Variants in ANKRD13C observed in about 807,000 individuals in gnomAD.
ANKRD13C encodes ankyrin repeat domain-containing protein 13C.
In ANKRD13C, 16 loss-of-function variants were observed where a neutral mutation model predicts 65.5. The ratio of observed to expected loss-of-function variants is 0.24; its 90% CI spans 0.17 to 0.37. The LOEUF (loss-of-function observed/expected upper bound fraction) is 0.37. Ranked by LOEUF, ANKRD13C falls within the 10% of genes least tolerant of loss-of-function variation. The pLI is 1.00. For missense variants in ANKRD13C, 503 were observed against 655.9 expected (o/e 0.77, Z 2.55); for synonymous variants, 235 against 238.7 (o/e 0.98, Z 0.14).
intron 3 of ANKRD13C, among the ~76,000 whole-genome samples, chr1:70,318,475 C>T (rs1266768671): frequency 6.6e-6 from 1 of 152,108 alleles, no homozygotes; most frequent in Non-Finnish European, 1.5e-5. Context: ...CCCACCTGGA[C>T]AATTCTACCT....
chr1:70,319,657 T>G (rs1358296659), intron 3 of ANKRD13C, among the ~76,000 whole-genome samples: 2 of 150,948 alleles, frequency 1.3e-5, no homozygotes, highest in Admixed American at 1.3e-4. Context: ...TATGCCTTTT[T>G]TTTTTTTTAA....
chr1:70,324,587 GGATGAATAAAAAAA>G (rs1049125495), intron 3 of ANKRD13C, among the ~76,000 whole-genome samples: 1 of 151,672 alleles, frequency 6.6e-6, no homozygotes, highest in African/African-American at 2.4e-5. Flanking sequence ...CCTGTATTAT[GGATGAATAAAAAAA>G]GAATCAGAGA....
At chr1:70,277,384 G>A (rs1452770061) in intron 9 of ANKRD13C, among the ~76,000 whole-genome samples, 1 of 151,644 alleles carries the variant, frequency 6.6e-6, no homozygotes, top group East Asian at 1.9e-4. Context: ...TTGAATCTAG[G>A]AGGTGGAGGT....
chr1:70,272,196 A>T (rs1572025167), intron 11 of ANKRD13C, among the ~76,000 whole-genome samples: 2 of 141,926 alleles, frequency 1.4e-5, no homozygotes, highest in South Asian at 2.2e-4. Context: ...AGAACAAATT[A>T]TTTGTCTGGC....
At chr1:70,338,246 T>C (rs915136748) in intron 1 of ANKRD13C, among the ~76,000 whole-genome samples, 1 of 152,188 alleles carries the variant, frequency 6.6e-6, no homozygotes, top group African/African-American at 2.4e-5. Context: ...CAAACAACTG[T>C]ATGTCGGCAA....
chr1:70,321,717 G>C (rs1681317072), intron 3 of ANKRD13C, among the ~76,000 whole-genome samples: 1 of 152,176 alleles, frequency 6.6e-6, no homozygotes, highest in African/African-American at 2.4e-5. Flanking sequence ...GGTCTGGGCT[G>C]ATCACTGTTT....
At chr1:70,278,192 GAA>G (rs894792281) in intron 9 of ANKRD13C, among the ~76,000 whole-genome samples, 2 of 116,130 alleles carry the variant, frequency 1.7e-5, no homozygotes, top group Non-Finnish European at 1.8e-5. Context: ...CTGCCTCACA[GAA>G]AAAAAAAAAA....
At chr1:70,304,243 A>C (rs1290082588) in intron 6 of ANKRD13C, among the ~76,000 whole-genome samples, 1 of 150,818 alleles carries the variant, frequency 6.6e-6, no homozygotes, top group Non-Finnish European at 1.5e-5. Flanking sequence ...AGATTTCATT[A>C]TATTGCCTAG....
chr1:70,297,286 G>GGTTTTTTTTTTTTTTTTTTTTTTTTTTTT (rs1558281019), intron 7 of ANKRD13C, among the ~76,000 whole-genome samples: 4 of 125,098 alleles, frequency 3.2e-5, no homozygotes, highest in Non-Finnish European at 5.0e-5. Context: ...GTCCCTTTCT[G>GGTTTTTTTTTTTTTTTTTTTTTTTTTTTT]ATTTTTTTTT....
In ANKRD13C at chr1:70,325,072, T is replaced by C. The variant is rs866428797; in HGVS notation, c.473-115A>G. 4.4e-5 allele frequency: 30 copies of C among 679,224 alleles called. No individual in the cohort carries two copies. The South Asian group carries it at 8.2e-4, about 19-fold the overall frequency. The allele number at this position is 679,224 out of a possible 1,614,324, so 42.1% of individuals were successfully genotyped here. ...ACATAAATAGATGAAATAAACATTG[T>C]ACCATGTAGAATTATGTAATTTGAA... On this transcript the variant is annotated intron_variant, in intron 2 of 12. Transcript: ENST00000370944.
intron 3 of ANKRD13C, among the ~76,000 whole-genome samples, chr1:70,323,624 G>T (rs1267418685): frequency 1.3e-5 from 2 of 151,522 alleles, no homozygotes; most frequent in Non-Finnish European, 2.9e-5. Context: ...TCCAGCCTGG[G>T]TGACAGGGCG....
chr1:70,281,018 C>T (rs891679036), intron 9 of ANKRD13C, among the ~76,000 whole-genome samples: 1 of 151,936 alleles, frequency 6.6e-6, no homozygotes, highest in Non-Finnish European at 1.5e-5. Context: ...AGGTTGCCAG[C>T]TGGGGTAAAT....
chr1:70,285,187 CTTT>C lies in ANKRD13C; in HGVS notation c.1215+7198_1215+7200del, dbSNP rs60703728. On this transcript the variant is annotated intron_variant, in intron 9 of 12. Transcript: ENST00000370944. ...AATTTTCAATACTGATTTATAATGT[CTTT>C]TTTTTTTTTTTTTTTTTTTTGAGAT... Among the ~76,000 whole-genome samples the C allele has an allele frequency of 5.9e-3, 618 of 105,130 alleles. 4 individuals are homozygous for C. The highest frequency in any genetic ancestry group is 0.024 in the African/African-American group (581 of 23,764). The allele number at this position is 105,130 out of a possible 152,430, so 69.0% of individuals were successfully genotyped here. A position where few individuals can be genotyped will look rare whatever the true frequency, so the allele number is the denominator to read the frequency against.
chr1:70,325,030 T>C (rs1681470406), intron 2 of ANKRD13C, 73 bp from the exon 3 acceptor site: 1 of 1,004,044 alleles, frequency 1.0e-6, no homozygotes, highest in Non-Finnish European at 1.4e-6. Context: ...TATATAAAAG[T>C]TTAATAAACC....
At chr1:70,302,813 A>G (rs1019844781) in intron 6 of ANKRD13C, among the ~76,000 whole-genome samples, 9 of 151,932 alleles carry the variant, frequency 5.9e-5, no homozygotes, top group African/African-American at 1.7e-4. Flanking sequence ...GCTCCTGATA[A>G]TACCAAAAAG....
chr1:70,350,311 A>C (rs1285858600), intron 1 of ANKRD13C, among the ~76,000 whole-genome samples: 1 of 152,256 alleles, frequency 6.6e-6, no homozygotes, highest in Non-Finnish European at 1.5e-5. Context: ...AACAAGTTCT[A>C]CTAAACGATG....
At chr1:70,274,874 C>T in intron 10 of ANKRD13C, 56 bp from the exon 11 acceptor site, 1 of 1,052,504 alleles carries the variant, frequency 9.5e-7, no homozygotes, top group Admixed American at 1.8e-5. Flanking sequence ...TATCACCTTC[C>T]TAAGAAGCAT....
chr1:70,308,277 C>T (rs956007404), intron 5 of ANKRD13C, among the ~76,000 whole-genome samples: 4 of 151,982 alleles, frequency 2.6e-5, no homozygotes, highest in African/African-American at 4.8e-5. Context: ...ATTACAGGCA[C>T]AAGCCACCAT....
At chr1:70,299,617 G>T (rs1458429201) in intron 7 of ANKRD13C, among the ~76,000 whole-genome samples, 1 of 152,174 alleles carries the variant, frequency 6.6e-6, no homozygotes, top group African/African-American at 2.4e-5. Flanking sequence ...GTGCTCTGAT[G>T]AGAAAACACA....
Sources: allele counts gnomAD v4.1 joint callset (sites outside exome capture counted in the v4.1 genomes callset), GRCh38; gene constraint gnomAD v4.1.1; transcripts MANE v1.5; gene names NCBI Gene and HGNC (gene_info 2026-07-23, HGNC 2026-07-21).